Variants in ANKS1B observed in about 807,000 individuals in gnomAD.
The protein encoded by ANKS1B is ankyrin repeat and sterile alpha motif domain-containing protein 1B.
A neutral mutation model predicts 148.3 loss-of-function variants in ANKS1B; 36 were observed. The ratio of observed to expected loss-of-function variants is 0.24; its 90% CI spans 0.19 to 0.32. The LOEUF is 0.32. Among genes scored for constraint, ANKS1B ranks in the 10% least tolerant of loss-of-function variants. The pLI is 1.00. For synonymous variants in ANKS1B, 542 were observed against 560.8 expected (o/e 0.97, Z 0.47); for missense variants, 1,157 against 1,542.6 (o/e 0.75, Z 4.19).
chr12:99,158,781 CT>C (rs2076344412), intron 14 of ANKS1B, among the ~76,000 whole-genome samples: 1 of 152,208 alleles, frequency 6.6e-6, no homozygotes, highest in Non-Finnish European at 1.5e-5. Context: ...TGCAACTCAT[CT>C]CCATAGATGC....
intron 17 of ANKS1B, among the ~76,000 whole-genome samples, chr12:98,865,549 A>G (rs1464032588): frequency 6.6e-6 from 1 of 152,242 alleles, no homozygotes; most frequent in Non-Finnish European, 1.5e-5. Context: ...AAGGATCATG[A>G]ACATAAGAAT....
In ANKS1B at chr12:99,825,529, T is replaced by C. The variant is rs115109504; in HGVS notation, c.135-140A>G. On this transcript the variant is annotated intron_variant, in intron 1 of 26. Transcript: ENST00000683438. ...CATGTGGAAAATGATTGCCATCTTC[T>C]ATGAATTCCCCTCAGAACATCAACT... 1,634 of 607,958 alleles carry C rather than the reference T, an allele frequency of 2.7e-3. 23 individuals carry two copies. In the African/African-American group the frequency reaches 0.027, roughly 10 times the overall value. The allele number at this position is 607,958 out of a possible 1,614,324, so 37.7% of individuals were successfully genotyped here.
chr12:99,798,169 C>A (rs185306863), intron 4 of ANKS1B, among the ~76,000 whole-genome samples: 92 of 151,770 alleles, frequency 6.1e-4, no homozygotes, highest in African/African-American at 2.1e-3. Context: ...GAGATAAAGA[C>A]CGATTCTTGA....
At chr12:98,783,994 A>G (rs1159116359) in intron 22 of ANKS1B, among the ~76,000 whole-genome samples, 2 of 152,208 alleles carry the variant, frequency 1.3e-5, no homozygotes, top group African/African-American at 2.4e-5. Context: ...AGGCACCACA[A>G]TGTCGATGAG....
At chr12:99,273,169 T>C (rs1159658738) in intron 12 of ANKS1B, among the ~76,000 whole-genome samples, 4 of 152,224 alleles carry the variant, frequency 2.6e-5, no homozygotes, top group African/African-American at 9.6e-5. Flanking sequence ...TTCTACTTTC[T>C]GGGTTTTTGT....
intron 15 of ANKS1B, among the ~76,000 whole-genome samples, chr12:99,133,305 G>C (rs555908575): frequency 2.0e-4 from 30 of 151,904 alleles, no homozygotes; most frequent in Middle Eastern, 6.8e-3. Context: ...CACCTGCCTC[G>C]GCCTCCCAAA....
intron 17 of ANKS1B, among the ~76,000 whole-genome samples, chr12:98,930,549 T>C (rs2099812751): frequency 6.6e-6 from 1 of 152,158 alleles, no homozygotes; most frequent in Non-Finnish European, 1.5e-5. Context: ...CATGAAATGA[T>C]GAATGGATAC....
intron 15 of ANKS1B, among the ~76,000 whole-genome samples, chr12:99,092,649 T>G (rs1244646966): frequency 6.6e-6 from 1 of 152,286 alleles, no homozygotes; most frequent in South Asian, 2.1e-4. Flanking sequence ...ATGGCGCCCT[T>G]GTACGTTCAT....
chr12:99,132,362 C>T (rs1002129697), intron 15 of ANKS1B, among the ~76,000 whole-genome samples: 2 of 151,840 alleles, frequency 1.3e-5, no homozygotes, highest in Non-Finnish European at 2.9e-5. Context: ...AATCCTGGGC[C>T]GGGTGAAGTG....
At chr12:99,328,180 C>G (rs923993563) in intron 12 of ANKS1B, among the ~76,000 whole-genome samples, 7 of 151,948 alleles carry the variant, frequency 4.6e-5, no homozygotes, top group African/African-American at 1.4e-4. Context: ...AAACAGCAAA[C>G]AAGTTGAGTC....
chr12:99,134,592 TTCTCTCTC>T (rs1165458667), intron 15 of ANKS1B, among the ~76,000 whole-genome samples: 1 of 135,858 alleles, frequency 7.4e-6, no homozygotes, highest in Non-Finnish European at 1.6e-5. Flanking sequence ...CAATCTCTCT[TTCTCTCTC>T]TGTTTCTCTC....
At chr12:99,704,862 A>G (rs927402031) in intron 8 of ANKS1B, among the ~76,000 whole-genome samples, 1 of 152,096 alleles carries the variant, frequency 6.6e-6, no homozygotes, top group Middle Eastern at 3.2e-3. Flanking sequence ...ATCTTCTTTC[A>G]CTTTTGCCCA....
At chr12:99,713,606 A>G (rs1246669511) in intron 8 of ANKS1B, among the ~76,000 whole-genome samples, 3 of 152,178 alleles carry the variant, frequency 2.0e-5, no homozygotes, top group Non-Finnish European at 4.4e-5. Flanking sequence ...CTGCCACCAA[A>G]TAACAAAGAA....
chr12:99,413,542 C>T lies in ANKS1B; in HGVS notation c.1576-13731G>A, dbSNP rs937553539. Among the ~76,000 whole-genome samples, 25 of 152,092 alleles carry T rather than the reference C, an allele frequency of 1.6e-4. 1 individual carries two copies. The highest frequency in any genetic ancestry group is 3.4e-3 in the Middle Eastern group (1 of 294). On this transcript the variant is annotated intron_variant, in intron 11 of 26. Coordinates refer to ENST00000683438, the MANE Select transcript of ANKS1B (RefSeq NM_001352186.2). ...TGTTTCAAAAGCTGTTGAAATAAAA[C>T]GCAAGTGGGTGGAAAATGGGAATAA...
chr12:99,105,766 C>G (rs755783492), intron 15 of ANKS1B, among the ~76,000 whole-genome samples: 51 of 77,940 alleles, frequency 6.5e-4, no homozygotes, highest in Admixed American at 2.1e-3. Flanking sequence ...GAGACTCTGT[C>G]TCAAAAAAAA....
chr12:98,886,391 T>C (rs1264023833), intron 17 of ANKS1B, among the ~76,000 whole-genome samples: 2 of 152,188 alleles, frequency 1.3e-5, no homozygotes, highest in African/African-American at 4.8e-5. Flanking sequence ...GAGACACTTC[T>C]GATAGTTGAA....
chr12:98,740,506 G>A (rs1043086614), downstream of ANKS1B, among the ~76,000 whole-genome samples: 4 of 152,220 alleles, frequency 2.6e-5, no homozygotes, highest in African/African-American at 9.6e-5. Context: ...CTCAGGTTTG[G>A]TGGCTAATTT....
chr12:99,735,577 C>A (rs1774034790), intron 8 of ANKS1B, among the ~76,000 whole-genome samples: 1 of 151,844 alleles, frequency 6.6e-6, no homozygotes, highest in South Asian at 2.1e-4. Flanking sequence ...TACAGAAAAC[C>A]TGAACAGACC....
In ANKS1B at chr12:99,854,080, G is replaced by A. The variant is rs141823397; in HGVS notation, c.135-28691C>T. On this transcript the variant is annotated intron_variant, in intron 1 of 26. Coordinates refer to ENST00000683438, the MANE Select transcript of ANKS1B (RefSeq NM_001352186.2). ...GGATGGTGTGCAGTGGTGCGATCTC[G>A]GCTCATGTGCAAGCTCCGCCTCCTG... is the stretch of plus-strand genomic sequence containing the variant. Among the ~76,000 whole-genome samples the A allele has an allele frequency of 2.7e-4, 41 of 152,228 alleles. 1 individual carries two copies. The highest frequency in any genetic ancestry group is 7.9e-4 in the African/African-American group (33 of 41,554).
Sources: allele counts gnomAD v4.1 joint callset (sites outside exome capture counted in the v4.1 genomes callset), GRCh38; gene constraint gnomAD v4.1.1; transcripts MANE v1.5; gene names NCBI Gene and HGNC (gene_info 2026-07-23, HGNC 2026-07-21).